TSC22D1: variants seen among roughly 807,000 people sequenced by gnomAD.
The protein encoded by TSC22D1 is TSC22 domain family member 1.
Under a neutral mutation model 74.2 loss-of-function variants are expected in TSC22D1, and 9 were observed. That is an observed-to-expected ratio of 0.12 (90% CI 0.07 to 0.21). TSC22D1 has a LOEUF of 0.21. TSC22D1 is among the 10% of genes least tolerant of loss of function. TSC22D1 has a pLI of 1.00. For synonymous variants in TSC22D1, 586 were observed against 492.5 expected (o/e 1.19, Z -2.51); for missense variants, 1,427 against 1,304.7 (o/e 1.09, Z -1.44).
chr13:44,475,465 CA>C (rs11359696), intron 1 of TSC22D1, among the ~76,000 whole-genome samples: 64,693 of 132,068 alleles, frequency 0.49, 14,412 homozygotes, highest in Middle Eastern at 0.62. Context: ...CAAACAAAAG[CA>C]AAAAAAAAAA....
At chr13:44,556,398 T>C (rs1214443571) in intron 1 of TSC22D1, among the ~76,000 whole-genome samples, 1 of 151,034 alleles carries the variant, frequency 6.6e-6, no homozygotes, top group Non-Finnish European at 1.5e-5. Context: ...ATACAAAAAT[T>C]AGCTGGGCGC....
At chr13:44,486,833 T>C (rs1251785476) in intron 1 of TSC22D1, among the ~76,000 whole-genome samples, 1 of 152,072 alleles carries the variant, frequency 6.6e-6, no homozygotes, top group African/African-American at 2.4e-5. Flanking sequence ...TTCAAAACAC[T>C]TTAAATAATA....
chr13:44,500,548 G>C (rs1007426325), intron 1 of TSC22D1, among the ~76,000 whole-genome samples: 1 of 152,172 alleles, frequency 6.6e-6, no homozygotes, highest in African/African-American at 2.4e-5. Context: ...TTTCAGAGAT[G>C]AAAGAACCAA....
chr13:44,458,487 CG>C (rs1489436420), intron 1 of TSC22D1, among the ~76,000 whole-genome samples: 3 of 152,182 alleles, frequency 2.0e-5, no homozygotes, highest in Non-Finnish European at 4.4e-5. Flanking sequence ...GGAGGCGCGG[CG>C]GGCATTGCAG....
At chr13:44,532,066 T>C (rs1166651765) in intron 1 of TSC22D1, among the ~76,000 whole-genome samples, 2 of 152,200 alleles carry the variant, frequency 1.3e-5, no homozygotes, top group East Asian at 3.8e-4. Flanking sequence ...ATTTTATGTT[T>C]ACACAATTTA....
At chr13:44,545,434 A>T (rs1328764137) in intron 1 of TSC22D1, among the ~76,000 whole-genome samples, 1 of 152,124 alleles carries the variant, frequency 6.6e-6, no homozygotes, top group Admixed American at 6.6e-5. Context: ...TTTTAAGAAG[A>T]TCTCTAAATT....
chr13:44,460,159 A>G (rs950505444), intron 1 of TSC22D1, among the ~76,000 whole-genome samples: 6 of 152,226 alleles, frequency 3.9e-5, no homozygotes, highest in African/African-American at 1.4e-4. Flanking sequence ...TTTCCACAGT[A>G]ATTAAGGTGA....
intron 1 of TSC22D1, among the ~76,000 whole-genome samples, chr13:44,550,617 G>C (rs1451604850): frequency 6.6e-6 from 1 of 150,614 alleles, no homozygotes; most frequent in African/African-American, 2.4e-5. Context: ...AAGAAAAGAA[G>C]TGAAGCTAGT....
intron 1 of TSC22D1, among the ~76,000 whole-genome samples, chr13:44,506,812 C>A (rs1023041426): frequency 3.3e-5 from 5 of 152,094 alleles, no homozygotes; most frequent in African/African-American, 1.2e-4. Flanking sequence ...AGAGGTCATA[C>A]AGCCTGGACT....
At chr13:44,518,638 G>C (rs1426003786) in intron 1 of TSC22D1, among the ~76,000 whole-genome samples, 1 of 152,150 alleles carries the variant, frequency 6.6e-6, no homozygotes, top group Admixed American at 6.5e-5. Context: ...TCCAACACAG[G>C]TGTGAGAAAC....
chr13:44,569,725 C>T (rs1883626564), intron 1 of TSC22D1, among the ~76,000 whole-genome samples: 1 of 152,018 alleles, frequency 6.6e-6, no homozygotes, highest in Admixed American at 6.5e-5. Context: ...TACAAAAAAG[C>T]AAGTCTTTTT....
At chr13:44,475,857 C>G (rs1308346799) in intron 1 of TSC22D1, among the ~76,000 whole-genome samples, 1 of 152,132 alleles carries the variant, frequency 6.6e-6, no homozygotes, top group African/African-American at 2.4e-5. Context: ...CTACAAAGCA[C>G]TAAGTGACCC....
chr13:44,531,153 AATT>A (rs1264462228), intron 1 of TSC22D1, among the ~76,000 whole-genome samples: 12 of 152,228 alleles, frequency 7.9e-5, no homozygotes, highest in African/African-American at 2.7e-4. Flanking sequence ...CTGGTTCATC[AATT>A]ATAACAAATA....
chr13:44,518,452 T>C (rs970809099), intron 1 of TSC22D1, among the ~76,000 whole-genome samples: 1 of 152,162 alleles, frequency 6.6e-6, no homozygotes, highest in Non-Finnish European at 1.5e-5. Context: ...TTATCTAAGA[T>C]TGTACAATTA....
At chr13:44,449,616 C>A (rs529383991) in intron 1 of TSC22D1, among the ~76,000 whole-genome samples, 1 of 152,202 alleles carries the variant, frequency 6.6e-6, no homozygotes, top group East Asian at 1.9e-4. Flanking sequence ...TCCATATCAT[C>A]TTAGTGTGAT....
intron 1 of TSC22D1, among the ~76,000 whole-genome samples, chr13:44,475,848 T>TA (rs1877882093): frequency 6.6e-6 from 1 of 152,082 alleles, no homozygotes; most frequent in Admixed American, 6.5e-5. Flanking sequence ...CAAAAAGTCC[T>TA]ACAAAGCACT....
In TSC22D1 at chr13:44,495,991, C is replaced by T. The variant is rs555386501; in HGVS notation, c.2913-59896G>A. On this transcript the variant is annotated intron_variant, in intron 1 of 2. Coordinates refer to ENST00000458659, the MANE Select transcript of TSC22D1 (RefSeq NM_183422.4). ...AAAAAAGAATAGATAAATTGAACTTCATCAAAATTAAACCTTTTGTACATC... is the reference window on the plus strand; with the variant it reads ...AAAAAAGAATAGATAAATTGAACTTTATCAAAATTAAACCTTTTGTACATC... 2.0e-4 allele frequency among the ~76,000 whole-genome samples: 30 copies of T among 152,010 alleles called. 1 individual carries two copies. The South Asian group carries it at 5.8e-3, about 29-fold the overall frequency.
chr13:44,564,144 G>A (rs1410618233), intron 1 of TSC22D1, among the ~76,000 whole-genome samples: 1 of 151,584 alleles, frequency 6.6e-6, no homozygotes, highest in Admixed American at 6.6e-5. Flanking sequence ...AGTTCTCCTT[G>A]GTTTTTCTTA....
chr13:44,457,634 TAGCA>T (rs1876742408), intron 1 of TSC22D1, among the ~76,000 whole-genome samples: 1 of 6,736 alleles, frequency 1.5e-4, no homozygotes, highest in Admixed American at 1.5e-3. Flanking sequence ...GAAAAGCAAA[TAGCA>T]AAAAAAAAAA....
Sources: allele counts gnomAD v4.1 joint callset (sites outside exome capture counted in the v4.1 genomes callset), GRCh38; gene constraint gnomAD v4.1.1; transcripts MANE v1.5; gene names NCBI Gene and HGNC (gene_info 2026-07-23, HGNC 2026-07-21).